SUN1: variants seen among roughly 807,000 people sequenced by gnomAD.
SUN1 encodes Sad1 and UNC84 domain containing 1, also known as SUN domain-containing protein 1.
In SUN1, 61 loss-of-function variants were observed where a neutral mutation model predicts 103.2. The observed-to-expected ratio is 0.59, with a 90% CI of 0.48 to 0.73. The LOEUF is 0.73. SUN1 is among the 30% of genes least tolerant of loss of function. SUN1 has a pLI of 0.00. For synonymous variants in SUN1, 490 were observed against 425.7 expected, an observed-to-expected ratio of 1.15 and a Z score of -1.86; for missense variants, 1,052 against 1,034.6, an observed-to-expected ratio of 1.02 and a Z score of -0.23.
chr7:857,069 C>T (rs1828184910), intron 12 of SUN1, among the ~76,000 whole-genome samples: 1 of 152,214 alleles, frequency 6.6e-6, no homozygotes, highest in Non-Finnish European at 1.5e-5. Flanking sequence ...AAGTGGGGTG[C>T]TTGCCTCTCA....
intron 1 of SUN1, among the ~76,000 whole-genome samples, chr7:822,355 T>C (rs1298336860): frequency 1.3e-5 from 2 of 152,216 alleles, no homozygotes; most frequent in Non-Finnish European, 2.9e-5. Context: ...GTTGTGAGTT[T>C]AGGCGGTAAC....
At chr7:815,755 A>C (rs956326224), upstream of SUN1, 5 of 184,020 alleles carry the variant, frequency 2.7e-5, no homozygotes, top group Admixed American at 3.2e-4. Context: ...GGGGCCCTGC[A>C]GGAGACCTCG....
intron 13 of SUN1, among the ~76,000 whole-genome samples, chr7:859,767 C>G (rs929427649): frequency 6.6e-6 from 1 of 152,188 alleles, no homozygotes; most frequent in East Asian, 1.9e-4. Flanking sequence ...CTCATCAGAC[C>G]AAGTTTGTTG....
intron 12 of SUN1, among the ~76,000 whole-genome samples, chr7:857,206 C>T (rs1209059599): frequency 2.0e-5 from 3 of 152,172 alleles, no homozygotes; most frequent in East Asian, 1.9e-4. Context: ...CCGAGGTCCC[C>T]GCGTCTGCAC....
In SUN1 at chr7:869,513, C is replaced by G. The variant is rs1334516354; in HGVS notation, c.2145C>G (p.Val715=). The G allele has an allele frequency of 3.7e-6, 6 of 1,613,136 alleles. No homozygotes were observed. Among genetic ancestry groups the G allele is most frequent in the Admixed American group, 1.7e-5 (1 of 59,988 alleles). ...NISSAPKDFA[V]YGLENEYQEE... ...GCAGCGCCCCCAAGGACTTCGCCGT[C>G]TATGTGAGTGCCCTTGGCCGACCCT... The change falls in exon 17 of 19, where the codon GTC becomes GTG. Residue 715 remains valine (V), a synonymous_variant. Coordinates refer to ENST00000401592, the MANE Select transcript of SUN1 (RefSeq NM_001130965.3).
At chr7:869,108 C>T in intron 16 of SUN1, 1 of 525,174 alleles carries the variant, frequency 1.9e-6, no homozygotes, top group Non-Finnish European at 3.4e-6. Flanking sequence ...GTATGTCTCA[C>T]CCATTTTTCT....
At chr7:840,639 CT>C (rs540064618) in intron 2 of SUN1, among the ~76,000 whole-genome samples, 1,407 of 127,724 alleles carry the variant, frequency 0.011, 10 homozygotes, top group African/African-American at 0.039. Flanking sequence ...ACCATCTATT[CT>C]TTTTTTTTTT....
intron 17 of SUN1, among the ~76,000 whole-genome samples, chr7:871,311 C>A (rs1365262048): frequency 6.6e-6 from 1 of 152,126 alleles, no homozygotes; most frequent in African/African-American, 2.4e-5. Flanking sequence ...AAATAATAAT[C>A]ATGTGTCATT....
chr7:864,311 G>T (rs916005726), intron 15 of SUN1, among the ~76,000 whole-genome samples: 13 of 152,158 alleles, frequency 8.5e-5, no homozygotes, highest in Admixed American at 8.5e-4. Context: ...ACTCTGGGAG[G>T]CTGAGGCGGG....
intron 13 of SUN1, among the ~76,000 whole-genome samples, chr7:859,019 G>A (rs1421059140): frequency 2.0e-5 from 3 of 152,150 alleles, no homozygotes; most frequent in Non-Finnish European, 4.4e-5. Context: ...CGGGTGTGGT[G>A]GTGGGTGCCT....
chr7:824,490 AG>A (rs1200448256), intron 1 of SUN1, among the ~76,000 whole-genome samples: 5 of 152,236 alleles, frequency 3.3e-5, no homozygotes, highest in Non-Finnish European at 7.3e-5. Flanking sequence ...ACTATTTAAT[AG>A]TTTTGTCTTC....
intron 13 of SUN1, 90 bp from the exon 14 acceptor site, chr7:860,038 A>C (rs1830983860): frequency 6.7e-7 from 1 of 1,481,928 alleles, no homozygotes; most frequent in African/African-American, 1.4e-5. Context: ...AGGATATATA[A>C]TTCTTCTGAG....
At chr7:869,830 G>A (rs1840111812) in intron 17 of SUN1, among the ~76,000 whole-genome samples, 1 of 152,136 alleles carries the variant, frequency 6.6e-6, no homozygotes, top group Non-Finnish European at 1.5e-5. Context: ...GGGAGCAGCT[G>A]GCTGACAAGA....
intron 15 of SUN1, among the ~76,000 whole-genome samples, chr7:864,127 AT>A (rs1419679190): frequency 1.3e-5 from 2 of 152,194 alleles, no homozygotes; most frequent in Non-Finnish European, 2.9e-5. Context: ...AGGTGCACAT[AT>A]TTATGGGGTA....
rs751274624 is a variant in SUN1, at chr7:816,706, C to T, written c.-74+33C>T. On this transcript the variant is annotated intron_variant, in intron 1 of 17. Transcript: ENST00000389574. ...CCCGGCGGGCCGGGCCAAGGGCACC[C>T]CGGGGCGGGCGCCGGGCTGCGGGGA... 9 of 151,264 alleles carry T rather than the reference C, an allele frequency of 5.9e-5. No homozygotes were observed. The South Asian group carries it at 1.2e-3, about 19-fold the overall frequency. The allele number at this position is 151,264 out of a possible 1,614,324, so 9.4% of individuals were successfully genotyped here.
chr7:864,554 CAAAAAAAAAA>C (rs551547626), intron 15 of SUN1, among the ~76,000 whole-genome samples: 2 of 95,214 alleles, frequency 2.1e-5, no homozygotes, highest in African/African-American at 7.4e-5. Context: ...AACTTTATCT[CAAAAAAAAAA>C]AAAAAAAAAG....
chr7:851,638 A>G, intron 6 of SUN1, 156 bp downstream of exon 6: 1 of 736,780 alleles, frequency 1.4e-6, no homozygotes, highest in Admixed American at 2.6e-5. Context: ...TAGCAATGTT[A>G]ACTGACTGTA....
At chr7:830,969 A>T, upstream of SUN1, 1 of 985,474 alleles carries the variant, frequency 1.0e-6, no homozygotes, top group Non-Finnish European at 1.2e-6. Flanking sequence ...GGCATGGTGT[A>T]TAGGTGGAGG....
intron 1 of SUN1, among the ~76,000 whole-genome samples, chr7:824,899 C>T (rs1203613662): frequency 1.3e-5 from 2 of 152,102 alleles, no homozygotes; most frequent in African/African-American, 4.8e-5. Context: ...TCCAGGGGTG[C>T]TCGGAGGAGC....
Sources: allele counts gnomAD v4.1 joint callset (sites outside exome capture counted in the v4.1 genomes callset), GRCh38; gene constraint gnomAD v4.1.1; transcripts MANE v1.5; gene names NCBI Gene and HGNC (gene_info 2026-07-23, HGNC 2026-07-21).